The following HEATR1 variants were observed in gnomAD, a reference collection of about 807,000 sequenced individuals.
HEATR1 encodes HEAT repeat containing 1, also known as HEAT repeat-containing protein 1.
Under a neutral mutation model 248.2 loss-of-function variants are expected in HEATR1, and 77 were observed. The ratio of observed to expected loss-of-function variants is 0.31; its 90% CI spans 0.26 to 0.37. HEATR1 has a LOEUF of 0.37. HEATR1 is among the 10% of genes least tolerant of loss of function. The pLI, the probability that HEATR1 is intolerant of heterozygous loss-of-function variation, is 1.00. For synonymous variants in HEATR1, 897 were observed against 923.1 expected (o/e 0.97, Z 0.51); for missense variants, 2,420 against 2,504.9 (o/e 0.97, Z 0.72).
At chr1:236,564,445 T>A in intron 32 of HEATR1, 53 bp downstream of exon 32, 2 of 1,531,584 alleles carry the variant, frequency 1.3e-6, no homozygotes, top group Non-Finnish European at 1.8e-6. Context: ...TGAGAACAGT[T>A]CCTTGGAGAC....
At chr1:236,602,662 C>T (rs1163937860) in intron 3 of HEATR1, among the ~76,000 whole-genome samples, 1 of 152,138 alleles carries the variant, frequency 6.6e-6, no homozygotes, top group Non-Finnish European at 1.5e-5. Context: ...AGGTGGCTCA[C>T]ACCTGTAATC....
chr1:236,563,489 GTC>G, intron 32 of HEATR1, among the ~76,000 whole-genome samples: 1 of 152,002 alleles, frequency 6.6e-6, no homozygotes, highest in East Asian at 1.9e-4. Flanking sequence ...AGCCAGGATG[GTC>G]TCGATCTCCT....
In HEATR1 at chr1:236,603,967, G is replaced by T; in HGVS notation, c.129C>A (p.Thr43=). ...AAGATGGCTCACCAATGGCGAAGGCGGTGTCCCTGTCGATTGTGGCCGCTT... is the reference window on the plus strand; with the variant it reads ...AAGATGGCTCACCAATGGCGAAGGCTGTGTCCCTGTCGATTGTGGCCGCTT... ...PKEAATIDRD[T]AFAIGCTGLE... Residue 43 remains threonine, a synonymous_variant, in exon 2 of 45, where the codon ACC becomes ACA. Transcript: ENST00000366582. The T allele has an allele frequency of 6.3e-7, 1 of 1,595,602 alleles. No homozygotes were observed. The highest frequency in any genetic ancestry group is 8.5e-7 in the Non-Finnish European group (1 of 1,174,392).
intron 11 of HEATR1, 62 bp downstream of exon 11, chr1:236,591,931 C>A: frequency 1.1e-6 from 1 of 936,568 alleles, no homozygotes; most frequent in Non-Finnish European, 1.6e-6. Flanking sequence ...CCTTCTGGAG[C>A]TCTTCACATA....
intron 43 of HEATR1, 99 bp from the exon 44 acceptor site, chr1:236,552,206 A>G: frequency 2.7e-6 from 2 of 731,238 alleles, no homozygotes; most frequent in East Asian, 2.5e-5. Flanking sequence ...CTTTTTAAAC[A>G]TTAGTTCACA....
chr1:236,557,452 G>A (rs1663009292), intron 36 of HEATR1, 107 bp from the exon 37 acceptor site: 5 of 1,142,920 alleles, frequency 4.4e-6, no homozygotes, highest in Middle Eastern at 2.7e-4. Context: ...CTATTACATC[G>A]CTATCTGCTT....
intron 5 of HEATR1, among the ~76,000 whole-genome samples, chr1:236,597,190 A>C (rs1280105560): frequency 6.6e-6 from 1 of 151,968 alleles, no homozygotes; most frequent in Non-Finnish European, 1.5e-5. Flanking sequence ...ATATGCAACA[A>C]TGAATACACA....
intron 4 of HEATR1, 117 bp from the exon 5 acceptor site, chr1:236,598,096 C>T: frequency 3.3e-6 from 2 of 597,350 alleles, no homozygotes; most frequent in South Asian, 5.1e-5. Context: ...AAAATATAAT[C>T]TCTCCTTATA....
At chr1:236,551,763 T>C in intron 44 of HEATR1, 1 of 452,764 alleles carries the variant, frequency 2.2e-6, no homozygotes, top group South Asian at 3.2e-5. Flanking sequence ...AAGATTACAC[T>C]GTAAACGGAC....
intron 44 of HEATR1, chr1:236,551,711 C>A: frequency 3.3e-6 from 1 of 303,054 alleles, no homozygotes; most frequent in Non-Finnish European, 6.1e-6. Flanking sequence ...CTACTGTAAT[C>A]TGCTTGTATG....
At chr1:236,558,560 T>A in intron 35 of HEATR1, 31 bp from the exon 36 acceptor site, 2 of 1,569,728 alleles carry the variant, frequency 1.3e-6, no homozygotes, top group Admixed American at 1.9e-5. Context: ...CCCCAAATCA[T>A]TAAAGCTGCA....
chr1:236,579,736 T>A (rs1192876268), intron 20 of HEATR1, among the ~76,000 whole-genome samples: 1 of 152,132 alleles, frequency 6.6e-6, no homozygotes, highest in Non-Finnish European at 1.5e-5. Flanking sequence ...ATTACTTTTG[T>A]GGAATTTTAT....
rs545664025 is a variant in HEATR1, at chr1:236,593,579, TAAGAG to T, written c.1193+428_1193+432del. On this transcript the variant is annotated intron_variant, in intron 9 of 44. Coordinates refer to ENST00000366582, the MANE Select transcript of HEATR1 (RefSeq NM_018072.6). Reference sequence around the variant, plus strand: ...CTTTTCACTGTATCGAGTTGCCCATTAAGAGAAAAAAAAAAAAAAAAAAAAAAAGA... The same window carrying T: ...CTTTTCACTGTATCGAGTTGCCCATTAAAAAAAAAAAAAAAAAAAAAAAGA... 4.8e-3 allele frequency among the ~76,000 whole-genome samples: 459 copies of T among 94,802 alleles called. 7 individuals carry two copies. The highest frequency in any genetic ancestry group is 0.019 in the African/African-American group (426 of 22,570). The allele number at this position is 94,802 out of a possible 152,430, so 62.2% of individuals were successfully genotyped here. A position where few individuals can be genotyped will look rare whatever the true frequency, so the allele number is the denominator to read the frequency against.
chr1:236,558,172 A>G lies in HEATR1; in HGVS notation c.5204+65T>C, dbSNP rs1487366363. Reference sequence around the variant, plus strand: ...CAGAGGAAAAAAAAAAAAAGTCACCAAAGTGTTATTTTTCAATGTGTGCCA... The same window carrying G: ...CAGAGGAAAAAAAAAAAAAGTCACCGAAGTGTTATTTTTCAATGTGTGCCA... On this transcript the variant is annotated intron_variant, in intron 36 of 44. Transcript: ENST00000366582. The G allele has an allele frequency of 4.0e-6, 6 of 1,486,782 alleles. No individual in the cohort carries two copies. In the African/African-American group the frequency reaches 8.5e-5, roughly 21 times the overall value. 92.1% of individuals were successfully genotyped at this position (1,486,782 alleles called of 1,614,324 possible). A position where few individuals can be genotyped will look rare whatever the true frequency, so the allele number is the denominator to read the frequency against.
At chr1:236,603,097 A>C in intron 3 of HEATR1, 63 bp downstream of exon 3, 1 of 1,228,126 alleles carries the variant, frequency 8.1e-7, no homozygotes, top group South Asian at 1.2e-5. Context: ...GTTCTCAACT[A>C]CTTAATTTTT....
At chr1:236,592,385 T>C (rs1664061899) in intron 10 of HEATR1, 138 bp downstream of exon 10, 1 of 607,882 alleles carries the variant, frequency 1.6e-6, no homozygotes, top group Middle Eastern at 4.3e-4. Context: ...TTGATTCCGA[T>C]ACTCGCCCCT....
rs374355529 is a variant in HEATR1, at chr1:236,571,375, C to T, written c.3924G>A (p.Leu1308=). 17 of 1,600,818 alleles carry T rather than the reference C, an allele frequency of 1.1e-5. No homozygotes were observed. Among genetic ancestry groups the T allele is most frequent in the Non-Finnish European group, 1.4e-5 (17 of 1,176,940 alleles). ...PQTHHHALLL[L]GTVAGIFPDK... ...CCGGAAATATTCCAGCAACAGTGCC[C>T]AAAAGTAAAAGGGCATGGTGATGGG... is the stretch of plus-strand genomic sequence containing the variant. Residue 1308 remains leucine (L), a synonymous_variant, in exon 28 of 45, where the codon TTG becomes TTA. Transcript: ENST00000366582.
chr1:236,550,027 T>TA lies in HEATR1; in HGVS notation c.*874dup, dbSNP rs980669967. 1 of 152,174 alleles carries TA rather than the reference T, an allele frequency of 6.6e-6. No homozygotes were observed. The highest frequency in any genetic ancestry group is 1.5e-5 in the Non-Finnish European group (1 of 68,026). The allele number at this position is 152,174 out of a possible 1,614,324, so 9.4% of individuals were successfully genotyped here. A position where few individuals can be genotyped will look rare whatever the true frequency, so the allele number is the denominator to read the frequency against. ...TCTACGGGATGTTCTTAGATGCCTT[T>TA]AAAAAGGGGGCAGATCTAATTTTAT... On this transcript the variant is annotated 3_prime_UTR_variant, in exon 45 of 45. Transcript: ENST00000366582.
chr1:236,562,936 T>C (rs769124270), intron 32 of HEATR1, among the ~76,000 whole-genome samples: 20 of 50,900 alleles, frequency 3.9e-4, no homozygotes, highest in Non-Finnish European at 1.4e-3. Flanking sequence ...AACAATATTA[T>C]ATAACAGTGG....
Sources: allele counts gnomAD v4.1 joint callset (sites outside exome capture counted in the v4.1 genomes callset), GRCh38; gene constraint gnomAD v4.1.1; transcripts MANE v1.5; gene names NCBI Gene and HGNC (gene_info 2026-07-23, HGNC 2026-07-21).